The following CEP72 variants were observed in gnomAD, a reference collection of about 807,000 sequenced individuals.
CEP72 encodes centrosomal protein 72.
In CEP72, 78 loss-of-function variants were observed where a neutral mutation model predicts 65.7. That is an observed-to-expected ratio of 1.19 (90% CI 0.99 to 1.43). The LOEUF is 1.43. Among genes scored for constraint, CEP72 ranks in the 40% most tolerant of loss-of-function variants. CEP72 has a pLI of 0.00. For missense variants in CEP72, 914 were observed against 832.9 expected (o/e 1.10, Z -1.20); for synonymous variants, 358 against 351.7 (o/e 1.02, Z -0.20).
intron 10 of CEP72, among the ~76,000 whole-genome samples, chr5:646,128 G>A (rs1337113332): frequency 6.6e-6 from 1 of 152,150 alleles, no homozygotes; most frequent in East Asian, 1.9e-4. Context: ...TTCTTTCCAC[G>A]GCGGTCGCTT....
Position 665,548 on chromosome 5 carries a change from C to T in CEP72, n.433+223C>T, listed in dbSNP as rs1324766956. On this transcript the variant is annotated intron_variant and non_coding_transcript_variant, in intron 3 of 4. Transcript: ENST00000514507. Reference sequence around the variant, plus strand: ...GTGTTTATGTAGTTGGGGACCCCACCACCTGCACCCTCAGAGGGAAGGGGC... The same window carrying T: ...GTGTTTATGTAGTTGGGGACCCCACTACCTGCACCCTCAGAGGGAAGGGGC... Among the ~76,000 whole-genome samples the T allele has an allele frequency of 2.6e-5, 4 of 152,030 alleles. No individual in the cohort carries two copies. The East Asian group carries it at 7.7e-4, about 29-fold the overall frequency.
downstream of CEP72, among the ~76,000 whole-genome samples, chr5:656,319 C>T (rs1287656629): frequency 2.0e-5 from 3 of 152,100 alleles, no homozygotes; most frequent in East Asian, 1.9e-4. Flanking sequence ...TAGAACTAGC[C>T]GGTCGAGTTG....
downstream of CEP72, chr5:659,911 G>A (rs1739509759): frequency 6.6e-6 from 1 of 152,358 alleles, no homozygotes; most frequent in East Asian, 1.9e-4. Flanking sequence ...GACACACAAT[G>A]TTAACGACAG....
exon 3 of CEP72, chr5:665,277 G>A: frequency 6.2e-7 from 1 of 1,613,476 alleles, no homozygotes. Context: ...CCTCGACACT[G>A]TGGGCGACGA....
At chr5:650,830 CTG>C (rs1399779888) in intron 11 of CEP72, among the ~76,000 whole-genome samples, 1 of 17,044 alleles carries the variant, frequency 5.9e-5, no homozygotes, top group Non-Finnish European at 8.8e-5. Flanking sequence ...TGAGGTGTGA[CTG>C]TGAGGCGTGG....
chr5:669,143 G>A (rs898021504), downstream of CEP72, among the ~76,000 whole-genome samples: 1 of 152,214 alleles, frequency 6.6e-6, no homozygotes, highest in Admixed American at 6.5e-5. Flanking sequence ...GCCTCGCTGT[G>A]TCCGGAGGGG....
intron 11 of CEP72, among the ~76,000 whole-genome samples, chr5:648,232 C>T (rs562926763): frequency 6.7e-6 from 1 of 148,998 alleles, no homozygotes; most frequent in African/African-American, 2.5e-5. Context: ...AGGTATGTGA[C>T]CATGGGGTGT....
exon 4 of CEP72, chr5:666,018 C>G (rs142977897): frequency 1.7e-5 from 27 of 1,609,648 alleles, no homozygotes; most frequent in Non-Finnish European, 2.3e-5. Flanking sequence ...GCCTGTGCAC[C>G]TCGCGAACGG....
At chr5:638,899 G>A (rs1049637431) in intron 7 of CEP72, among the ~76,000 whole-genome samples, 190 bp from the exon 8 acceptor site, 4 of 152,122 alleles carry the variant, frequency 2.6e-5, no homozygotes, top group Admixed American at 1.3e-4. Flanking sequence ...ATCCAGGACC[G>A]GTGCACCTGG....
intron 4 of CEP72, among the ~76,000 whole-genome samples, chr5:626,733 A>AC (rs1736782983): frequency 6.6e-6 from 1 of 151,784 alleles, no homozygotes; most frequent in South Asian, 2.1e-4. Context: ...AGGCAGGAAG[A>AC]CCCCCTGAGC....
intron 1 of CEP72, among the ~76,000 whole-genome samples, chr5:614,573 C>G (rs1012036060): frequency 6.6e-6 from 1 of 151,616 alleles, no homozygotes; most frequent in Non-Finnish European, 1.5e-5. Flanking sequence ...CTCAGCCTCC[C>G]GAGTAGCTGG....
chr5:667,856 C>T (rs1339832833), downstream of CEP72, among the ~76,000 whole-genome samples: 49 of 127,390 alleles, frequency 3.8e-4, 4 homozygotes, highest in African/African-American at 1.4e-3. Context: ...GCGTGGGCGC[C>T]GTCAGGGAAG....
chr5:650,544 CTG>C (rs1738954250), intron 11 of CEP72, among the ~76,000 whole-genome samples: 2 of 54,848 alleles, frequency 3.6e-5, no homozygotes, highest in African/African-American at 1.5e-4. Context: ...TGAGGTGTGA[CTG>C]TGAGGCGTGG....
At chr5:620,345 C>A in intron 3 of CEP72, 84 bp downstream of exon 3, 1 of 1,167,216 alleles carries the variant, frequency 8.6e-7, no homozygotes, top group South Asian at 1.3e-5. Context: ...TCTGTGTGCT[C>A]AACGTCACAT....
rs375255309 is a variant in CEP72, at chr5:653,204, T to C, written c.*51T>C. 1.3e-6 allele frequency: 2 copies of C among 1,499,874 alleles called. No individual in the cohort carries two copies. Among genetic ancestry groups the C allele is most frequent in the African/African-American group, 2.8e-5 (2 of 71,860 alleles). The allele number at this position is 1,499,874 out of a possible 1,614,324, so 92.9% of individuals were successfully genotyped here. A position where few individuals can be genotyped will look rare whatever the true frequency, so the allele number is the denominator to read the frequency against. The stretch of plus-strand genomic sequence containing the variant: ...CTTAAGCTTCCTGGTAAAGTTACAT[T>C]GTCTGCACCTTTGTACTTCTTTATT... On this transcript the variant is annotated 3_prime_UTR_variant, in exon 12 of 12. Transcript: ENST00000264935.
chr5:658,301 G>A (rs566909427), downstream of CEP72, among the ~76,000 whole-genome samples: 2 of 152,202 alleles, frequency 1.3e-5, no homozygotes, highest in African/African-American at 2.4e-5. Flanking sequence ...GAACCACAGG[G>A]AGCTCCCTAG....
At chr5:648,015 G>A (rs1350469405) in intron 11 of CEP72, 99 bp downstream of exon 11, 3 of 701,188 alleles carry the variant, frequency 4.3e-6, no homozygotes, top group Admixed American at 2.8e-5. Context: ...GCACAGAGGA[G>A]CAGCTCCTCA....
At chr5:637,490 G>A (rs755593789) in intron 6 of CEP72, 27 bp from the exon 7 acceptor site, 7 of 1,592,000 alleles carry the variant, frequency 4.4e-6, no homozygotes, top group South Asian at 1.1e-5. Context: ...TTGGCCTGAC[G>A]TGCGCCCCAT....
intron 5 of CEP72, among the ~76,000 whole-genome samples, chr5:634,544 G>C (rs1047837449): frequency 1.3e-5 from 2 of 152,208 alleles, no homozygotes; most frequent in Non-Finnish European, 2.9e-5. Flanking sequence ...AGCGGTGCTC[G>C]AGCCATGTCC....
Sources: allele counts gnomAD v4.1 joint callset (sites outside exome capture counted in the v4.1 genomes callset), GRCh38; gene constraint gnomAD v4.1.1; transcripts MANE v1.5; gene names NCBI Gene and HGNC (gene_info 2026-07-23, HGNC 2026-07-21).